Variants in SPAG16 observed in about 807,000 individuals in gnomAD.
SPAG16 encodes sperm-associated antigen 16 protein.
A neutral mutation model predicts 80.4 loss-of-function variants in SPAG16; 86 were observed. The ratio of observed to expected loss-of-function variants is 1.07; its 90% CI spans 0.90 to 1.28. SPAG16 has a LOEUF of 1.28. Ranked by LOEUF, SPAG16 falls within the 50% of genes most tolerant of loss-of-function variation. SPAG16 has a pLI of 0.00. For synonymous variants in SPAG16, 294 were observed against 265.9 expected, an observed-to-expected ratio of 1.11 and a Z score of -1.03; for missense variants, 870 against 765.3, an observed-to-expected ratio of 1.14 and a Z score of -1.61.
intron 9 of SPAG16, among the ~76,000 whole-genome samples, chr2:213,469,492 G>A (rs2072943759): frequency 6.6e-6 from 1 of 151,092 alleles, no homozygotes; most frequent in Non-Finnish European, 1.5e-5. Context: ...TGGTCATGTG[G>A]TCATAGCTGG....
intron 10 of SPAG16, among the ~76,000 whole-genome samples, chr2:213,708,915 A>G (rs575783186): frequency 6.6e-6 from 1 of 152,312 alleles, no homozygotes; most frequent in African/African-American, 2.4e-5. Context: ...GCAGAGTAAG[A>G]TCTTCATGTG....
At chr2:214,259,642 G>A (rs1426436777) in intron 15 of SPAG16, among the ~76,000 whole-genome samples, 11 of 151,104 alleles carry the variant, frequency 7.3e-5, no homozygotes, top group Admixed American at 7.3e-4. Context: ...ATTTTTGGTT[G>A]GTTTGGTTGG....
chr2:213,490,202 T>C, intron 10 of SPAG16, 112 bp downstream of exon 10: 1 of 1,019,412 alleles, frequency 9.8e-7, no homozygotes, highest in South Asian at 2.0e-5. Context: ...CCTTTCAAAA[T>C]TGCTACTCAT....
At chr2:213,620,455 G>C (rs1448698962) in intron 10 of SPAG16, among the ~76,000 whole-genome samples, 1 of 151,760 alleles carries the variant, frequency 6.6e-6, no homozygotes, top group African/African-American at 2.4e-5. Flanking sequence ...ACCACGCCCG[G>C]CTAATTTTTT....
rs538847783 is a variant in SPAG16, at chr2:213,985,203, A to T, written c.1401-28748A>T. ...ATAAATTAAGAAGTGGGTCCCTAAC[A>T]TCCATGTCAAGAAATTTTTGGTGTT... On this transcript the variant is annotated intron_variant, in intron 12 of 15. Transcript: ENST00000331683. Among the ~76,000 whole-genome samples, 4 of 152,234 alleles carry T rather than the reference A, an allele frequency of 2.6e-5. No individual in the cohort carries two copies. In the East Asian group the frequency reaches 5.8e-4, roughly 22 times the overall value.
intron 10 of SPAG16, among the ~76,000 whole-genome samples, chr2:213,633,358 C>T (rs2125089014): frequency 6.6e-6 from 1 of 152,082 alleles, no homozygotes; most frequent in Admixed American, 6.5e-5. Context: ...TTTTTAATTT[C>T]TAGTTTCATA....
intron 12 of SPAG16, among the ~76,000 whole-genome samples, chr2:213,989,683 C>A (rs921977889): frequency 6.6e-6 from 1 of 151,988 alleles, no homozygotes; most frequent in African/African-American, 2.4e-5. Context: ...CCTTAATAGG[C>A]AAATAAAGAG....
At chr2:214,306,440 C>T (rs1379097460) in intron 15 of SPAG16, among the ~76,000 whole-genome samples, 1 of 152,132 alleles carries the variant, frequency 6.6e-6, no homozygotes, top group Non-Finnish European at 1.5e-5. Flanking sequence ...GAGAGGGCAT[C>T]CTTATATTGT....
intron 8 of SPAG16, among the ~76,000 whole-genome samples, chr2:213,374,107 T>C (rs1429163660): frequency 6.6e-6 from 1 of 152,208 alleles, no homozygotes; most frequent in Non-Finnish European, 1.5e-5. Context: ...GGAACATTTT[T>C]TAACGTTATT....
At chr2:214,319,315 T>G (rs1695935208) in intron 15 of SPAG16, among the ~76,000 whole-genome samples, 1 of 151,816 alleles carries the variant, frequency 6.6e-6, no homozygotes, top group Admixed American at 6.6e-5. Context: ...GTCTATATAA[T>G]GCACTAAGAG....
At chr2:213,413,563 A>G (rs529096903) in intron 9 of SPAG16, among the ~76,000 whole-genome samples, 1 of 152,126 alleles carries the variant, frequency 6.6e-6, no homozygotes, top group Non-Finnish European at 1.5e-5. Flanking sequence ...AGGACTACAT[A>G]TATTATTCAA....
intron 10 of SPAG16, among the ~76,000 whole-genome samples, chr2:213,731,671 TTG>T (rs2067052138): frequency 6.6e-6 from 1 of 152,098 alleles, no homozygotes; most frequent in Non-Finnish European, 1.5e-5. Flanking sequence ...AGTGTGTGTG[TTG>T]TTCTCCACAA....
At chr2:213,589,124 A>G (rs2060590276) in intron 10 of SPAG16, among the ~76,000 whole-genome samples, 1 of 152,182 alleles carries the variant, frequency 6.6e-6, no homozygotes, top group Non-Finnish European at 1.5e-5. Flanking sequence ...TCTCTTGTGA[A>G]CAAAGAAGAA....
intron 5 of SPAG16, among the ~76,000 whole-genome samples, chr2:213,325,207 G>T (rs1398744990): frequency 6.6e-6 from 1 of 151,876 alleles, no homozygotes; most frequent in Non-Finnish European, 1.5e-5. Flanking sequence ...TGGTGTCTTT[G>T]TTGAGCAGAC....
At chr2:214,328,326 T>C (rs1482480372) in intron 15 of SPAG16, among the ~76,000 whole-genome samples, 1 of 151,942 alleles carries the variant, frequency 6.6e-6, no homozygotes, top group African/African-American at 2.4e-5. Context: ...CAGCTAATCT[T>C]TTGTGTATGT....
At chr2:214,104,489 G>A (rs1028222488) in intron 13 of SPAG16, among the ~76,000 whole-genome samples, 2 of 152,056 alleles carry the variant, frequency 1.3e-5, no homozygotes, top group South Asian at 4.1e-4. Context: ...CCCCCAGAGT[G>A]GTGATAGTGG....
chr2:213,703,511 C>A (rs2065595794), intron 10 of SPAG16, among the ~76,000 whole-genome samples: 1 of 152,158 alleles, frequency 6.6e-6, no homozygotes, highest in Non-Finnish European at 1.5e-5. Context: ...CCATATGGAA[C>A]CCCAAGATAA....
At chr2:213,862,741 C>A in intron 11 of SPAG16, 113 bp downstream of exon 11, 1 of 1,168,098 alleles carries the variant, frequency 8.6e-7, no homozygotes, top group Non-Finnish European at 1.2e-6. Flanking sequence ...AACAACACAC[C>A]CTGCACTGAA....
chr2:213,629,859 TC>T (rs2062081858), intron 10 of SPAG16, among the ~76,000 whole-genome samples: 1 of 152,216 alleles, frequency 6.6e-6, no homozygotes, highest in Non-Finnish European at 1.5e-5. Context: ...TGTGTCTCCT[TC>T]CTGGGTCTGG....
Sources: gnomAD v4.1 joint callset for allele counts (sites outside exome capture counted in the v4.1 genomes callset) on GRCh38, gnomAD v4.1.1 for gene constraint, MANE v1.5 for transcripts, NCBI Gene and HGNC (gene_info 2026-07-23, HGNC 2026-07-21) for gene names.